DLGAP2: variants seen among roughly 807,000 people sequenced by gnomAD.
DLGAP2 encodes disks large-associated protein 2.
In DLGAP2, 26 loss-of-function variants were observed where a neutral mutation model predicts 100.3. The ratio of observed to expected loss-of-function variants is 0.26; its 90% CI spans 0.19 to 0.36. The LOEUF is 0.36. DLGAP2 is among the 10% of genes least tolerant of loss of function. The pLI, the probability that DLGAP2 is intolerant of heterozygous loss-of-function variation, is 1.00. For missense variants in DLGAP2, 1,858 were observed against 1,453.2 expected, an observed-to-expected ratio of 1.28 and a Z score of -4.53; for synonymous variants, 886 against 630.1, an observed-to-expected ratio of 1.41 and a Z score of -6.08.
chr8:807,034 C>T (rs1796283922), intron 1 of DLGAP2, among the ~76,000 whole-genome samples: 1 of 152,176 alleles, frequency 6.6e-6, no homozygotes, highest in Non-Finnish European at 1.5e-5. Flanking sequence ...CAGAAAACCT[C>T]AAATAATTCT....
rs188389095 is a variant in DLGAP2 at position 795,824 on chromosome 8, C to G, written c.18+57999C>G. On this transcript the variant is annotated intron_variant, in intron 1 of 14. Coordinates refer to ENST00000637795, the MANE Select transcript of DLGAP2 (RefSeq NM_001346810.2). ...CAGGCGTCCGGTGAGAGCAGGCGTC[C>G]GGTGAGAGCAGCTGTCCGGTGAGAG... Among the ~76,000 whole-genome samples the G allele has an allele frequency of 1.4e-5, 2 of 139,734 alleles. 1 individual carries two copies. Among genetic ancestry groups the G allele is most frequent in the African/African-American group, 5.4e-5 (2 of 37,078 alleles). 91.7% of individuals were successfully genotyped at this position (139,734 alleles called of 152,430 possible).
In DLGAP2 at chr8:1,005,405, GTTTTTTT is replaced by G. The variant is rs34780471; in HGVS notation, c.73+97454_73+97460del. Among the ~76,000 whole-genome samples, 757 of 99,208 alleles carry G rather than the reference GTTTTTTT, an allele frequency of 7.6e-3. 9 individuals carry two copies. The highest frequency in any genetic ancestry group is 0.029 in the East Asian group (102 of 3,558). The allele number at this position is 99,208 out of a possible 152,430, so 65.1% of individuals were successfully genotyped here. A position where few individuals can be genotyped will look rare whatever the true frequency, so the allele number is the denominator to read the frequency against. On this transcript the variant is annotated intron_variant, in intron 2 of 14. Coordinates refer to ENST00000637795, the MANE Select transcript of DLGAP2 (RefSeq NM_001346810.2). ...TCCTGTATTCAAAACAACTCCACTT[GTTTTTTT>G]TTTTTTTTTTTTTTGAGATGGGGTC...
At chr8:1,524,201 T>C (rs913504737) in intron 4 of DLGAP2, among the ~76,000 whole-genome samples, 3 of 152,120 alleles carry the variant, frequency 2.0e-5, no homozygotes, top group Admixed American at 2.0e-4. Context: ...GGGGTCAGCC[T>C]CATGTTCCCA....
At chr8:1,194,092 C>T (rs1797699300) in intron 2 of DLGAP2, among the ~76,000 whole-genome samples, 1 of 152,018 alleles carries the variant, frequency 6.6e-6, no homozygotes, top group Non-Finnish European at 1.5e-5. Flanking sequence ...CGCAGTATAC[C>T]AAGTCCAGTT....
At chr8:1,105,374 A>T (rs1255998853) in intron 2 of DLGAP2, among the ~76,000 whole-genome samples, 1 of 152,104 alleles carries the variant, frequency 6.6e-6, no homozygotes, top group African/African-American at 2.4e-5. Flanking sequence ...GAAGGAGGAG[A>T]TAGTGCTGGG....
intron 3 of DLGAP2, among the ~76,000 whole-genome samples, chr8:1,264,935 C>T (rs189755437): frequency 3.3e-3 from 506 of 152,286 alleles, no homozygotes; most frequent in Middle Eastern, 0.01. Flanking sequence ...GGGCAGTTCC[C>T]CTGCACATGG....
intron 2 of DLGAP2, among the ~76,000 whole-genome samples, chr8:1,075,349 G>A (rs951881614): frequency 6.6e-6 from 1 of 152,118 alleles, no homozygotes; most frequent in Middle Eastern, 3.2e-3. Flanking sequence ...GTGGGGTGCT[G>A]GAATCCGCAG....
intron 12 of DLGAP2, among the ~76,000 whole-genome samples, chr8:1,682,527 T>A (rs182175335): frequency 6.6e-6 from 1 of 151,290 alleles, no homozygotes; most frequent in Non-Finnish European, 1.5e-5. Context: ...CAGGCTGGAG[T>A]GCAATGGCAC....
At chr8:744,890 G>A (rs967057366) in intron 1 of DLGAP2, among the ~76,000 whole-genome samples, 3 of 152,202 alleles carry the variant, frequency 2.0e-5, no homozygotes, top group African/African-American at 7.2e-5. Flanking sequence ...CCCAGCCTCC[G>A]AATTCCTCGC....
chr8:969,780 C>T (rs1799969277), intron 2 of DLGAP2, among the ~76,000 whole-genome samples: 1 of 152,130 alleles, frequency 6.6e-6, no homozygotes, highest in South Asian at 2.1e-4. Flanking sequence ...CAGTGGGAAT[C>T]AGCAGATATT....
At chr8:821,231 T>A (rs2132686061) in intron 1 of DLGAP2, among the ~76,000 whole-genome samples, 1 of 152,304 alleles carries the variant, frequency 6.6e-6, no homozygotes, top group East Asian at 1.9e-4. Context: ...GACAACAAAG[T>A]TTCAGCAGAT....
chr8:1,631,764 G>T (rs1183425658), intron 7 of DLGAP2, among the ~76,000 whole-genome samples: 2 of 152,216 alleles, frequency 1.3e-5, no homozygotes, highest in Non-Finnish European at 1.5e-5. Context: ...GAGGAAAGAG[G>T]CCGTCCTTCC....
chr8:789,478 C>T (rs989148699), intron 1 of DLGAP2, among the ~76,000 whole-genome samples: 2 of 152,166 alleles, frequency 1.3e-5, no homozygotes, highest in Non-Finnish European at 2.9e-5. Flanking sequence ...CCACCAGGCC[C>T]CTCTTCCGAC....
chr8:1,368,401 G>T (rs773080717), intron 3 of DLGAP2, among the ~76,000 whole-genome samples: 1 of 152,176 alleles, frequency 6.6e-6, no homozygotes, highest in African/African-American at 2.4e-5. Context: ...GTGGGTATGT[G>T]TGTGTGCATG....
Position 1,530,311 on chromosome 8 carries a change from G to A in DLGAP2, c.173-18315G>A, listed in dbSNP as rs550668190. Among the ~76,000 whole-genome samples the A allele has an allele frequency of 4.6e-5, 7 of 152,202 alleles. No homozygotes were observed. The South Asian group carries it at 6.2e-4, about 14-fold the overall frequency. Reference sequence around the variant, plus strand: ...TCCATGCTGAGAAAAAGAATTCAGCGATATTTCTCCCATTTGCTTTTGAAA... The same window carrying A: ...TCCATGCTGAGAAAAAGAATTCAGCAATATTTCTCCCATTTGCTTTTGAAA... On this transcript the variant is annotated intron_variant, in intron 4 of 14. Transcript: ENST00000637795.
chr8:1,306,614 G>C (rs1026506272), intron 3 of DLGAP2, among the ~76,000 whole-genome samples: 1 of 152,142 alleles, frequency 6.6e-6, no homozygotes, highest in African/African-American at 2.4e-5. Flanking sequence ...AACTAAGTTG[G>C]AGTCTCACAC....
chr8:1,116,168 C>T (rs551077229), intron 2 of DLGAP2, among the ~76,000 whole-genome samples: 2 of 152,206 alleles, frequency 1.3e-5, no homozygotes, highest in Non-Finnish European at 2.9e-5. Context: ...GGTGCGCAGG[C>T]GTCAGCTGGG....
At chr8:1,639,399 C>T (rs1797844178) in intron 8 of DLGAP2, among the ~76,000 whole-genome samples, 1 of 152,124 alleles carries the variant, frequency 6.6e-6, no homozygotes, top group Non-Finnish European at 1.5e-5. Context: ...GGGCAGAGTC[C>T]TGGAAGGCTG....
At chr8:1,458,400 T>G (rs148596841) in intron 3 of DLGAP2, among the ~76,000 whole-genome samples, 1 of 152,196 alleles carries the variant, frequency 6.6e-6, no homozygotes, top group Non-Finnish European at 1.5e-5. Context: ...TTCTAACATG[T>G]ATCATACCTG....
Sources: gnomAD v4.1 joint callset for allele counts (sites outside exome capture counted in the v4.1 genomes callset) on GRCh38, gnomAD v4.1.1 for gene constraint, MANE v1.5 for transcripts, NCBI Gene and HGNC (gene_info 2026-07-23, HGNC 2026-07-21) for gene names.